TBC1D5: variants seen among roughly 807,000 people sequenced by gnomAD.
The protein encoded by TBC1D5 is TBC1 domain family, member 5.
Under a neutral mutation model 100.3 loss-of-function variants are expected in TBC1D5, and 75 were observed. The ratio of observed to expected loss-of-function variants is 0.75; its 90% CI spans 0.62 to 0.91. The LOEUF (loss-of-function observed/expected upper bound fraction) is 0.91, where lower values mean the gene tolerates loss of function less well. Ranked by LOEUF, TBC1D5 falls within the 40% of genes least tolerant of loss-of-function variation. The probability of loss-of-function intolerance (pLI) is 0.00; values close to 1 mark genes in which losing one functional copy is unlikely to be tolerated. For synonymous variants in TBC1D5, 323 were observed against 325.6 expected (o/e 0.99, Z 0.09); for missense variants, 910 against 942.4 (o/e 0.97, Z 0.45).
chr3:17,202,219 G>T (rs1316371108), intron 18 of TBC1D5, among the ~76,000 whole-genome samples: 2 of 152,216 alleles, frequency 1.3e-5, no homozygotes, highest in Non-Finnish European at 2.9e-5. Flanking sequence ...TTGTGCCCCT[G>T]CTCTAGGGAT....
At chr3:17,647,454 T>C (rs1176794055) in intron 1 of TBC1D5, among the ~76,000 whole-genome samples, 2 of 151,572 alleles carry the variant, frequency 1.3e-5, no homozygotes, top group African/African-American at 4.8e-5. Context: ...TATGATTTTA[T>C]ATAAGGTGCT....
chr3:17,244,800 A>C (rs997254421), intron 16 of TBC1D5, among the ~76,000 whole-genome samples: 22 of 152,094 alleles, frequency 1.4e-4, no homozygotes, highest in Admixed American at 1.4e-3. Flanking sequence ...CTATTTGGAA[A>C]CTTAAAACAT....
intron 17 of TBC1D5, among the ~76,000 whole-genome samples, chr3:17,216,926 T>A (rs1361237170): frequency 6.6e-6 from 1 of 152,150 alleles, no homozygotes; most frequent in Non-Finnish European, 1.5e-5. Flanking sequence ...TAATTCAGTG[T>A]TTTTTACAGT....
At chr3:17,489,236 C>T (rs1576319173) in intron 3 of TBC1D5, among the ~76,000 whole-genome samples, 4 of 151,986 alleles carry the variant, frequency 2.6e-5, no homozygotes, top group Admixed American at 2.6e-4. Context: ...AGTCACAATG[C>T]TATTTTTAAA....
chr3:17,160,766 G>T, exon 22 of TBC1D5: 1 of 677,840 alleles, frequency 1.5e-6, no homozygotes, highest in Non-Finnish European at 2.4e-6. Flanking sequence ...CTGTCTGCAT[G>T]TGGCAAACCT....
intron 1 of TBC1D5, among the ~76,000 whole-genome samples, chr3:17,720,851 GTT>G (rs1164658125): frequency 6.7e-6 from 1 of 148,278 alleles, no homozygotes; most frequent in African/African-American, 2.5e-5. Context: ...TTGTTTGTTT[GTT>G]TTTTGAGATG....
Position 17,289,619 on chromosome 3 carries a change from C to T in TBC1D5, c.1245+2276G>A, listed in dbSNP as rs185846708. Among the ~76,000 whole-genome samples, 1,062 of 143,488 alleles carry T rather than the reference C, an allele frequency of 7.4e-3. 8 individuals carry two copies. Among genetic ancestry groups the T allele is most frequent in the Middle Eastern group, 0.017 (5 of 286 alleles). 94.1% of individuals were successfully genotyped at this position (143,488 alleles called of 152,430 possible). A position where few individuals can be genotyped will look rare whatever the true frequency, so the allele number is the denominator to read the frequency against. On this transcript the variant is annotated intron_variant, in intron 15 of 21. Coordinates refer to ENST00000253692, the Ensembl canonical transcript of TBC1D5. Reference sequence around the variant, plus strand: ...TCTGCACTCCAGCCTGGTGACAGTGCGAGACTCCATCTCAAAAAAAAAAAA... The same window carrying T: ...TCTGCACTCCAGCCTGGTGACAGTGTGAGACTCCATCTCAAAAAAAAAAAA...
chr3:17,384,092 G>T, intron 8 of TBC1D5, 77 bp from the exon 9 acceptor site: 1 of 1,284,300 alleles, frequency 7.8e-7, no homozygotes, highest in Non-Finnish European at 1.1e-6. Flanking sequence ...TCTCGAAGAC[G>T]TGCCAAGGGC....
chr3:17,514,076 CAA>C (rs1017181383), intron 2 of TBC1D5, among the ~76,000 whole-genome samples: 32 of 152,096 alleles, frequency 2.1e-4, no homozygotes, highest in African/African-American at 6.3e-4. Context: ...CAAAGAAAGA[CAA>C]AGAGTAAAGT....
At chr3:17,166,775 T>G (rs1138454) in exon 21 of TBC1D5, 1 of 1,603,680 alleles carries the variant, frequency 6.2e-7, no homozygotes, top group African/African-American at 1.3e-5. Flanking sequence ...ACCTGTTTAA[T>G]GGCCCCTGAC....
At chr3:17,434,702 GTGAAGGTCTC>G (rs1292144914) in intron 3 of TBC1D5, among the ~76,000 whole-genome samples, 1 of 152,164 alleles carries the variant, frequency 6.6e-6, no homozygotes, top group African/African-American at 2.4e-5. Context: ...AGGGGCTGTG[GTGAAGGTCTC>G]TGACATGCCC....
chr3:17,695,437 G>C (rs1333968367), intron 1 of TBC1D5, among the ~76,000 whole-genome samples: 1 of 151,970 alleles, frequency 6.6e-6, no homozygotes, highest in Non-Finnish European at 1.5e-5. Context: ...AAAAAGCAGG[G>C]GTTGCAATCC....
At chr3:17,340,943 C>T (rs1195139387) in intron 13 of TBC1D5, among the ~76,000 whole-genome samples, 1 of 152,216 alleles carries the variant, frequency 6.6e-6, no homozygotes, top group Non-Finnish European at 1.5e-5. Context: ...TTCTGAACAA[C>T]AGGCACTGGC....
chr3:17,303,833 CTTTTTTTTTTTTT>C (rs140988557), intron 14 of TBC1D5, among the ~76,000 whole-genome samples: 2 of 84,520 alleles, frequency 2.4e-5, no homozygotes, highest in South Asian at 1.0e-3. Context: ...CAATCTACCT[CTTTTTTTTTTTTT>C]TTTTTTTTTT....
intron 2 of TBC1D5, among the ~76,000 whole-genome samples, chr3:17,581,168 C>A (rs2096693266): frequency 6.6e-6 from 1 of 152,168 alleles, no homozygotes. Flanking sequence ...CTTGCCTGTG[C>A]CATGTAACAC....
chr3:17,545,426 G>C (rs2096405227), intron 2 of TBC1D5, among the ~76,000 whole-genome samples: 1 of 152,188 alleles, frequency 6.6e-6, no homozygotes, highest in South Asian at 2.1e-4. Flanking sequence ...AAACTCTGTT[G>C]TTTAAGCCAC....
At chr3:17,355,368 C>T (rs1432689629) in intron 13 of TBC1D5, among the ~76,000 whole-genome samples, 2 of 152,018 alleles carry the variant, frequency 1.3e-5, no homozygotes, top group Non-Finnish European at 2.9e-5. Context: ...GAGGCTGTGG[C>T]CAATTAAAAT....
At chr3:17,271,131 GT>G (rs1273475452) in intron 15 of TBC1D5, among the ~76,000 whole-genome samples, 7 of 152,082 alleles carry the variant, frequency 4.6e-5, no homozygotes, top group Non-Finnish European at 7.4e-5. Context: ...TTTTAGAATA[GT>G]TTTTTCTAAC....
At chr3:17,592,550 T>G (rs566448205) in intron 2 of TBC1D5, among the ~76,000 whole-genome samples, 1 of 152,360 alleles carries the variant, frequency 6.6e-6, no homozygotes, top group African/African-American at 2.4e-5. Context: ...ATTTGGATTT[T>G]GGAGGCAATA....
Sources: allele counts gnomAD v4.1 joint callset (sites outside exome capture counted in the v4.1 genomes callset), GRCh38; gene constraint gnomAD v4.1.1; transcripts MANE v1.5; gene names NCBI Gene and HGNC (gene_info 2026-07-23, HGNC 2026-07-21).